Variants in SLC5A7 observed in about 807,000 individuals in gnomAD.
SLC5A7 encodes solute carrier family 5 member 7.
Under a neutral mutation model 55.4 loss-of-function variants are expected in SLC5A7, and 19 were observed. The ratio of observed to expected loss-of-function variants is 0.34; its 90% CI spans 0.24 to 0.50. SLC5A7 has a LOEUF of 0.50. SLC5A7 is among the 20% of genes least tolerant of loss of function. The pLI is 0.98. For missense variants in SLC5A7, 506 were observed against 705.3 expected (o/e 0.72, Z 3.20); for synonymous variants, 265 against 263.7 (o/e 1.00, Z -0.05).
At chr2:108,004,066 C>T (rs536899311) in intron 6 of SLC5A7, among the ~76,000 whole-genome samples, 38 of 152,262 alleles carry the variant, frequency 2.5e-4, no homozygotes, top group African/African-American at 8.2e-4. Context: ...CCAAAGACCC[C>T]ACCTCTGAAT....
chr2:108,008,937 A>G (rs567393029), intron 8 of SLC5A7, among the ~76,000 whole-genome samples: 13 of 151,960 alleles, frequency 8.6e-5, no homozygotes, highest in Non-Finnish European at 1.8e-4. Flanking sequence ...TCACAGGGCT[A>G]TCATTTAACC....
intron 6 of SLC5A7, 100 bp downstream of exon 6, chr2:108,002,140 G>T (rs765131312): frequency 6.5e-6 from 9 of 1,377,280 alleles, no homozygotes; most frequent in Non-Finnish European, 8.9e-6. Context: ...GTGCTTGTGG[G>T]CTCATGGCCA....
intron 6 of SLC5A7, among the ~76,000 whole-genome samples, chr2:108,002,515 A>G (rs1270198021): frequency 7.3e-6 from 1 of 137,542 alleles, no homozygotes; most frequent in Non-Finnish European, 1.5e-5. Flanking sequence ...AGATGCCAAG[A>G]GAGAGGCCCT....
chr2:108,002,175 G>A, intron 6 of SLC5A7, 135 bp downstream of exon 6: 1 of 1,067,532 alleles, frequency 9.4e-7, no homozygotes, highest in Non-Finnish European at 1.3e-6. Flanking sequence ...ACTCTCTATC[G>A]GGAGGGTGGA....
At position 108,010,993 on chromosome 2, in the gene SLC5A7, G is replaced by A. The variant is rs1678307708; in HGVS notation, c.*132G>A. On this transcript the variant is annotated 3_prime_UTR_variant, in exon 9 of 9. Coordinates refer to ENST00000264047, the MANE Select transcript of SLC5A7 (RefSeq NM_021815.5). ...TCAGGAGAGTAAAAATTCATATAAA[G>A]TGCAATTGCACAAATACAAGCCAAG... is the stretch of plus-strand genomic sequence containing the variant. 2.0e-6 allele frequency: 2 copies of A among 994,210 alleles called. No homozygotes were observed. Among genetic ancestry groups the A allele is most frequent in the African/African-American group, 1.7e-5 (1 of 59,846 alleles). The allele number at this position is 994,210 out of a possible 1,614,324, so 61.6% of individuals were successfully genotyped here.
chr2:107,989,851 A>G (rs1398538317), intron 2 of SLC5A7, among the ~76,000 whole-genome samples: 1 of 152,216 alleles, frequency 6.6e-6, no homozygotes, highest in African/African-American at 2.4e-5. Context: ...TCATAAAAAT[A>G]ATATTTTATA....
Position 108,010,733 on chromosome 2 carries a change from T to C in SLC5A7, c.1615T>C (p.Leu539=), listed in dbSNP as rs904369740. 2 of 1,613,746 alleles carry C rather than the reference T, an allele frequency of 1.2e-6. No homozygotes were observed. Residue 539 remains leucine, a synonymous_variant, in exon 9 of 9, where the codon TTA becomes CTA. Coordinates refer to ENST00000264047, the MANE Select transcript of SLC5A7 (RefSeq NM_021815.5). ...TILVKNENIK[L]DELALVKPRQ... ...TCTTGTCAAAAATGAAAATATTAAA[T>C]TAGATGAACTTGCACTTGTGAAGCC... is the stretch of plus-strand genomic sequence containing the variant.
At chr2:107,997,032 T>C (rs943757504) in intron 4 of SLC5A7, among the ~76,000 whole-genome samples, 1 of 152,172 alleles carries the variant, frequency 6.6e-6, no homozygotes, top group Admixed American at 6.5e-5. Flanking sequence ...CAAAGCCTAG[T>C]AGGGGGCAGA....
intron 4 of SLC5A7, among the ~76,000 whole-genome samples, chr2:107,994,591 GAA>G (rs899260846): frequency 1.3e-5 from 2 of 149,654 alleles, no homozygotes; most frequent in Non-Finnish European, 3.0e-5. Flanking sequence ...GTCTCAAAAA[GAA>G]AAAAAAAGAA....
At chr2:107,988,397 G>C (rs578135397) in intron 2 of SLC5A7, 64 bp downstream of exon 2, 2 of 1,486,570 alleles carry the variant, frequency 1.3e-6, no homozygotes, top group East Asian at 2.3e-5. Flanking sequence ...AGTGTGCAGC[G>C]TGTGGCTTCA....
intron 4 of SLC5A7, among the ~76,000 whole-genome samples, chr2:107,996,906 G>A (rs1461658662): frequency 6.6e-6 from 1 of 152,162 alleles, no homozygotes; most frequent in East Asian, 1.9e-4. Context: ...AATAAAAGAA[G>A]AGTGATCTGT....
chr2:107,994,452 G>A (rs555482598), intron 4 of SLC5A7, among the ~76,000 whole-genome samples: 11 of 152,128 alleles, frequency 7.2e-5, no homozygotes, highest in East Asian at 5.8e-4. Context: ...GCGTGGTGGC[G>A]GGCGCCTGTA....
intron 8 of SLC5A7, among the ~76,000 whole-genome samples, chr2:108,008,981 T>C (rs1363489236): frequency 1.3e-5 from 2 of 151,908 alleles, no homozygotes; most frequent in Non-Finnish European, 2.9e-5. Flanking sequence ...TAATGAAACC[T>C]AAACTATTCA....
intron 8 of SLC5A7, 129 bp from the exon 9 acceptor site, chr2:108,010,103 C>T (rs749526433): frequency 1.2e-5 from 14 of 1,162,768 alleles, no homozygotes; most frequent in Non-Finnish European, 1.7e-5. Flanking sequence ...TTGGTTTTTC[C>T]CATAGATTGA....
At chr2:107,987,857 A>C (rs1468429988) in intron 1 of SLC5A7, among the ~76,000 whole-genome samples, 2 of 152,218 alleles carry the variant, frequency 1.3e-5, no homozygotes, top group East Asian at 3.8e-4. Flanking sequence ...TTATGATTCC[A>C]TTTGTTAAAC....
intron 2 of SLC5A7, 152 bp from the exon 3 acceptor site, chr2:107,991,954 A>T (rs1193707364): frequency 2.4e-6 from 1 of 414,680 alleles, no homozygotes; most frequent in African/African-American, 2.0e-5. Flanking sequence ...AACATTTGAA[A>T]TCTGGTGTTT....
Position 108,011,305 on chromosome 2 carries a change from G to A in SLC5A7, c.*444G>A, listed in dbSNP as rs1678318865. The A allele has an allele frequency of 6.5e-6, 1 of 153,380 alleles. No individual in the cohort carries two copies. 9.5% of individuals were successfully genotyped at this position (153,380 alleles called of 1,614,324 possible). ...TGAGAATAACTTCAGTCACTCCCTT[G>A]AATGGTGCAATGAATTAACCAGCTG... On this transcript the variant is annotated 3_prime_UTR_variant, in exon 9 of 9. Transcript: ENST00000264047.
intron 6 of SLC5A7, among the ~76,000 whole-genome samples, chr2:108,005,333 T>G (rs1678067888): frequency 6.6e-6 from 1 of 152,196 alleles, no homozygotes; most frequent in South Asian, 2.1e-4. Flanking sequence ...TAAATATTTT[T>G]GGGTTGCATT....
Position 107,992,023 on chromosome 2 carries a change from T to G in SLC5A7, c.179-83T>G. The stretch of plus-strand genomic sequence containing the variant: ...CGTCACATTTCAGGTGCTCAGTAAC[T>G]TCTAGTAGCCACTGGTTTGGCAGGC... On this transcript the variant is annotated intron_variant, in intron 2 of 8. Transcript: ENST00000264047. 2.6e-6 allele frequency: 2 copies of G among 763,016 alleles called. 1 individual carries two copies. The highest frequency in any genetic ancestry group is 3.8e-5 in the South Asian group (2 of 53,264). 47.3% of individuals were successfully genotyped at this position (763,016 alleles called of 1,614,324 possible).
Sources: allele counts gnomAD v4.1 joint callset (sites outside exome capture counted in the v4.1 genomes callset), GRCh38; gene constraint gnomAD v4.1.1; transcripts MANE v1.5; gene names NCBI Gene and HGNC (gene_info 2026-07-23, HGNC 2026-07-21).